Variants in MEST observed in about 807,000 individuals in gnomAD.
The protein encoded by MEST is mesoderm-specific transcript homolog protein.
A neutral mutation model predicts 50.9 loss-of-function variants in MEST; 18 were observed. The ratio of observed to expected loss-of-function variants is 0.35; its 90% CI spans 0.24 to 0.52. The LOEUF is 0.52. Among genes scored for constraint, MEST ranks in the 20% least tolerant of loss-of-function variants. MEST has a pLI of 0.94. For synonymous variants in MEST, 130 were observed against 154.1 expected, an observed-to-expected ratio of 0.84 and a Z score of 1.16; for missense variants, 282 against 425.3, an observed-to-expected ratio of 0.66 and a Z score of 2.96.
At chr7:130,504,046 A>C (rs1554439231) in intron 11 of MEST, 50 bp downstream of exon 11, 5 of 1,472,432 alleles carry the variant, frequency 3.4e-6, no homozygotes, top group Non-Finnish European at 4.7e-6. Flanking sequence ...TCATCCTGAC[A>C]GTGGTAAACA....
intron 2 of MEST, chr7:130,496,275 T>C (rs1799057687): frequency 2.4e-6 from 1 of 422,282 alleles, no homozygotes; most frequent in Non-Finnish European, 4.6e-6. Flanking sequence ...AGAAAACTAA[T>C]GTTGAAGTAA....
chr7:130,491,725 C>A (rs1392180040), upstream of MEST, among the ~76,000 whole-genome samples: 2 of 152,170 alleles, frequency 1.3e-5, no homozygotes, highest in East Asian at 1.9e-4. This position sits in a 1 kb window ranked among gnomAD's most constrained non-coding sequence, Gnocchi z 6.8. Flanking sequence ...GGTTTGTGGG[C>A]GGCCTGTGGG....
chr7:130,496,914 G>C (rs1799082328), intron 2 of MEST: 1 of 318,504 alleles, frequency 3.1e-6, no homozygotes, highest in Non-Finnish European at 5.8e-6. Flanking sequence ...AAGTAAACAA[G>C]GTGCCTTCAA....
At chr7:130,494,847 T>C (rs1405366266) in intron 1 of MEST, 1 of 984,748 alleles carries the variant, frequency 1.0e-6, no homozygotes, top group Admixed American at 6.2e-5. Context: ...TGAGGACATG[T>C]GATAAGTTAC....
Position 130,497,867 on chromosome 7 carries a change from T to C in MEST, c.262-69T>C. Reference sequence around the variant, plus strand: ...AGCCAAGATAGGGCTGAAGCTCCTGTGCAACTGTAGGTCTGGTGAAAGGGA... The same window carrying C: ...AGCCAAGATAGGGCTGAAGCTCCTGCGCAACTGTAGGTCTGGTGAAAGGGA... On this transcript the variant is annotated intron_variant, in intron 3 of 11. Transcript: ENST00000223215. This position sits in a 1 kb window ranked among gnomAD's most constrained non-coding sequence, Gnocchi z 4.0. 3 of 1,416,142 alleles carry C rather than the reference T, an allele frequency of 2.1e-6. No homozygotes were observed. Among genetic ancestry groups the C allele is most frequent in the Non-Finnish European group, 3.0e-6 (3 of 1,000,126 alleles). 87.7% of individuals were successfully genotyped at this position (1,416,142 alleles called of 1,614,324 possible). A position where few individuals can be genotyped will look rare whatever the true frequency, so the allele number is the denominator to read the frequency against.
At chr7:130,503,376 G>T (rs1314675870) in intron 10 of MEST, among the ~76,000 whole-genome samples, 2 of 152,198 alleles carry the variant, frequency 1.3e-5, no homozygotes, top group African/African-American at 4.8e-5. Context: ...GGGTGCAGGA[G>T]AGCTGGATGA....
At chr7:130,496,471 TATATGA>T in intron 2 of MEST, 1 of 312,520 alleles carries the variant, frequency 3.2e-6, no homozygotes, top group Admixed American at 5.2e-5. Flanking sequence ...TCACTGGCAG[TATATGA>T]ATATACCTGT....
rs1584954594 is a variant in MEST, at chr7:130,505,308, T to TATTA, written c.*253_*256dup. Reference sequence around the variant, plus strand: ...ATAGACTTGGCTTTGTTTTTTGTGCTATTAGGAAATTCTGATGAGCATTAC... The same window carrying TATTA: ...ATAGACTTGGCTTTGTTTTTTGTGCTATTAATTAGGAAATTCTGATGAGCATTAC... On this transcript the variant is annotated 3_prime_UTR_variant, in exon 12 of 12. Transcript: ENST00000223215. 1.3e-5 allele frequency: 4 copies of TATTA among 316,556 alleles called. No homozygotes were observed. Among genetic ancestry groups the TATTA allele is most frequent in the African/African-American group, 8.3e-5 (4 of 47,990 alleles). 19.6% of individuals were successfully genotyped at this position (316,556 alleles called of 1,614,324 possible). A position where few individuals can be genotyped will look rare whatever the true frequency, so the allele number is the denominator to read the frequency against.
intron 1 of MEST, 87 bp from the exon 2 acceptor site, chr7:130,495,281 T>C (rs1419258299): frequency 7.3e-7 from 1 of 1,375,286 alleles, no homozygotes; most frequent in East Asian, 2.4e-5. Context: ...AACAGCAATC[T>C]CCCACCCCAT....
At chr7:130,498,108 A>G in intron 4 of MEST, 31 bp from the exon 5 acceptor site, 1 of 1,614,110 alleles carries the variant, frequency 6.2e-7, no homozygotes, top group Non-Finnish European at 8.5e-7. Flanking sequence ...TCATGACTTC[A>G]TCCTGTGTAT....
At chr7:130,493,849 C>A (rs1345748367) in intron 1 of MEST, among the ~76,000 whole-genome samples, 2 of 152,114 alleles carry the variant, frequency 1.3e-5, no homozygotes, top group Admixed American at 6.5e-5. Context: ...ATCGTCAAAA[C>A]CTAATGGTTT....
intron 10 of MEST, 126 bp from the exon 11 acceptor site, chr7:130,503,807 G>C: frequency 1.4e-6 from 1 of 693,486 alleles, no homozygotes; most frequent in Non-Finnish European, 2.5e-6. Flanking sequence ...GGGAGAGAGA[G>C]ACCTTGCCTA....
chr7:130,497,909 G>T lies in MEST; in HGVS notation c.262-27G>T. ...TGAAAGGGAGGGGCAGGAGCAGAAAGCCCAAATCATCGTTTCTTTCTTGTA... is the reference window on the plus strand; with the variant it reads ...TGAAAGGGAGGGGCAGGAGCAGAAATCCCAAATCATCGTTTCTTTCTTGTA... On this transcript the variant is annotated intron_variant, in intron 3 of 11. Coordinates refer to ENST00000223215, the MANE Select transcript of MEST (RefSeq NM_002402.4). This position sits in a 1 kb window ranked among gnomAD's most constrained non-coding sequence, Gnocchi z 4.0. The T allele has an allele frequency of 6.2e-7, 1 of 1,611,790 alleles. No homozygotes were observed. The highest frequency in any genetic ancestry group is 8.5e-7 in the Non-Finnish European group (1 of 1,177,842).
chr7:130,498,391 CAT>C, intron 5 of MEST, 26 bp from the exon 6 acceptor site: 1 of 1,613,852 alleles, frequency 6.2e-7, no homozygotes, highest in Non-Finnish European at 8.5e-7. Flanking sequence ...TGCTCAGCTA[CAT>C]GTGTGTTTCC....
chr7:130,500,232 T>TA lies in MEST; in HGVS notation c.577-227dup, dbSNP rs777574239. Among the ~76,000 whole-genome samples the TA allele has an allele frequency of 3.3e-5, 5 of 152,190 alleles. No homozygotes were observed. Among genetic ancestry groups the TA allele is most frequent in the Non-Finnish European group, 5.9e-5 (4 of 68,020 alleles). ...ACTCTAAACTTGAATATATCAGAGT[T>TA]AAAGTTTTAGGGATTTAGTGAATTG... On this transcript the variant is annotated intron_variant, in intron 7 of 11. Transcript: ENST00000223215. This position sits in a 1 kb window ranked among gnomAD's most constrained non-coding sequence, Gnocchi z 5.0.
intron 9 of MEST, among the ~76,000 whole-genome samples, chr7:130,501,780 C>G (rs563136504): frequency 6.6e-6 from 1 of 151,906 alleles, no homozygotes; most frequent in South Asian, 2.1e-4. Flanking sequence ...CCAAGGTGGG[C>G]GAATCATATG....
chr7:130,501,697 T>G (rs1799280813), intron 9 of MEST, among the ~76,000 whole-genome samples: 1 of 152,174 alleles, frequency 6.6e-6, no homozygotes, highest in South Asian at 2.1e-4. Flanking sequence ...CATCAACATC[T>G]ACACTTAGAA....
intron 2 of MEST, chr7:130,496,518 T>TC: frequency 4.3e-6 from 1 of 232,088 alleles, no homozygotes; most frequent in South Asian, 5.7e-5. Flanking sequence ...AAGGTTAATA[T>TC]TGTCTAAATG....
chr7:130,500,440 A>ACCTCCACTTATTCC lies in MEST; in HGVS notation c.577-15_577-2dup. On this transcript the variant is annotated intron_variant, in intron 7 of 11. Transcript: ENST00000223215. This position sits in a 1 kb window ranked among gnomAD's most constrained non-coding sequence, Gnocchi z 5.0. Reference sequence around the variant, plus strand: ...ATCTTCCTCTGGGTTCTTGAGCTTTACCTCCACTTATTCCCCTCCAGCTAC... The same window carrying ACCTCCACTTATTCC: ...ATCTTCCTCTGGGTTCTTGAGCTTTACCTCCACTTATTCCCCTCCACTTATTCCCCTCCAGCTAC... The ACCTCCACTTATTCC allele has an allele frequency of 6.2e-7, 1 of 1,609,614 alleles. No individual in the cohort carries two copies. The highest frequency in any genetic ancestry group is 8.5e-7 in the Non-Finnish European group (1 of 1,177,014).
Sources: gnomAD v4.1 joint callset for allele counts (sites outside exome capture counted in the v4.1 genomes callset) on GRCh38, gnomAD v4.1.1 for gene constraint, Gnocchi (gnomAD v3.1) non-coding constraint, MANE v1.5 for transcripts, NCBI Gene and HGNC (gene_info 2026-07-23, HGNC 2026-07-21) for gene names.